The following HOMER1 variants were observed in gnomAD, a reference collection of about 807,000 sequenced individuals.
HOMER1 encodes the protein homer scaffold protein 1.
Under a neutral mutation model 48.9 loss-of-function variants are expected in HOMER1, and 3 were observed. The observed-to-expected ratio is 0.06, with a 90% confidence interval of 0.03 to 0.16. The LOEUF is 0.16. HOMER1 is among the 10% of genes least tolerant of loss of function. The pLI, the probability that HOMER1 is intolerant of heterozygous loss-of-function variation, is 1.00. For missense variants in HOMER1, 247 were observed against 411.4 expected (o/e 0.60, Z 3.46); for synonymous variants, 134 against 146.4 (o/e 0.92, Z 0.61).
chr5:79,512,096 A>G (rs1268117180), intron 1 of HOMER1, among the ~76,000 whole-genome samples: 2 of 102,534 alleles, frequency 2.0e-5, no homozygotes, highest in African/African-American at 3.7e-5. Context: ...TGTAGATCTG[A>G]TACTGTTAAC....
intron 5 of HOMER1, among the ~76,000 whole-genome samples, chr5:79,403,338 TAGCATATATTTTATTTAAAA>T (rs1309570506): frequency 4.6e-5 from 7 of 152,174 alleles, no homozygotes; most frequent in Non-Finnish European, 8.8e-5. Flanking sequence ...ATAGTAATTT[TAGCATATATTTTATTTAAAA>T]AGCATAGTTT....
At chr5:79,400,010 TC>T (rs1749490534) in intron 6 of HOMER1, among the ~76,000 whole-genome samples, 1 of 152,156 alleles carries the variant, frequency 6.6e-6, no homozygotes, top group Non-Finnish European at 1.5e-5. Context: ...AGAGAAAATT[TC>T]TTAAGGGCAG....
chr5:79,431,962 T>C (rs1750438613), intron 5 of HOMER1, among the ~76,000 whole-genome samples: 1 of 152,224 alleles, frequency 6.6e-6, no homozygotes, highest in South Asian at 2.1e-4. Flanking sequence ...CTAGAAACTA[T>C]GTGGGTTACC....
chr5:79,446,595 A>G (rs1750888614), intron 4 of HOMER1, among the ~76,000 whole-genome samples: 1 of 152,238 alleles, frequency 6.6e-6, no homozygotes, highest in South Asian at 2.1e-4. Context: ...GGCATATAGA[A>G]AAACCTTTTT....
At chr5:79,449,426 C>T (rs1750973642) in intron 3 of HOMER1, among the ~76,000 whole-genome samples, 1 of 151,820 alleles carries the variant, frequency 6.6e-6, no homozygotes, top group African/African-American at 2.4e-5. Context: ...TCAAGAAATA[C>T]ATTTAAAGAA....
chr5:79,396,973 G>A lies in HOMER1; in HGVS notation c.796-70C>T, dbSNP rs2201400. On this transcript the variant is annotated intron_variant, in intron 7 of 8. Coordinates refer to ENST00000334082, the MANE Select transcript of HOMER1 (RefSeq NM_004272.5). ...GCAAGGGAAGGTCTTGTTTTTCCCTGAAATTATTGTTCTAGTTCTTAGAAA... is the reference window on the plus strand; with the variant it reads ...GCAAGGGAAGGTCTTGTTTTTCCCTAAAATTATTGTTCTAGTTCTTAGAAA... The A allele has an allele frequency of 3.2e-3, 2,597 of 801,854 alleles. 80 individuals carry two copies. The South Asian group carries it at 0.041, about 13-fold the overall frequency. 49.7% of individuals were successfully genotyped at this position (801,854 alleles called of 1,614,324 possible).
intron 5 of HOMER1, among the ~76,000 whole-genome samples, chr5:79,424,424 G>C (rs895781688): frequency 6.6e-6 from 1 of 151,894 alleles, no homozygotes; most frequent in South Asian, 2.1e-4. Context: ...TTTATACAAG[G>C]ATATGCATCG....
Position 79,471,551 on chromosome 5 carries a change from GAAAAAAAAAAAA to G in HOMER1, c.6-14545_6-14534del, listed in dbSNP as rs55724615. Among the ~76,000 whole-genome samples, 278 of 97,688 alleles carry G rather than the reference GAAAAAAAAAAAA, an allele frequency of 2.8e-3. 2 individuals carry two copies. The highest frequency in any genetic ancestry group is 9.8e-3 in the African/African-American group (271 of 27,658). 64.1% of individuals were successfully genotyped at this position (97,688 alleles called of 152,430 possible). ...AATAAGAGCAAAACTCCATCTCAAA[GAAAAAAAAAAAA>G]AAAAAAAAAAGAAAGAAAAAAATGG... On this transcript the variant is annotated intron_variant, in intron 1 of 8. Coordinates refer to ENST00000334082, the MANE Select transcript of HOMER1 (RefSeq NM_004272.5).
intron 5 of HOMER1, among the ~76,000 whole-genome samples, chr5:79,428,528 T>C (rs933770246): frequency 1.3e-5 from 2 of 152,080 alleles, no homozygotes; most frequent in Admixed American, 1.3e-4. Context: ...TATAATTTTA[T>C]ATATAGAAAA....
chr5:79,504,410 CAAA>C (rs11285306), intron 1 of HOMER1, among the ~76,000 whole-genome samples: 5 of 123,522 alleles, frequency 4.0e-5, no homozygotes, highest in Admixed American at 7.8e-5. Context: ...AAAGAATAAG[CAAA>C]AAAAAAAAAA....
intron 8 of HOMER1, among the ~76,000 whole-genome samples, chr5:79,387,261 G>A (rs1333341073): frequency 6.6e-6 from 1 of 151,862 alleles, no homozygotes; most frequent in African/African-American, 2.4e-5. Context: ...TGAGTAGCTA[G>A]GACTATAGGT....
At chr5:79,478,781 A>G (rs368049349) in intron 1 of HOMER1, among the ~76,000 whole-genome samples, 2 of 152,044 alleles carry the variant, frequency 1.3e-5, no homozygotes, top group East Asian at 1.9e-4. Flanking sequence ...GTGAAACCGT[A>G]TCTCTACTAA....
intron 5 of HOMER1, among the ~76,000 whole-genome samples, chr5:79,425,831 T>C (rs1187299446): frequency 1.3e-5 from 2 of 152,018 alleles, no homozygotes; most frequent in Non-Finnish European, 2.9e-5. Context: ...GTCTCTTTAA[T>C]AGTAACTTAG....
intron 3 of HOMER1, among the ~76,000 whole-genome samples, chr5:79,448,203 C>A (rs576317235): frequency 6.6e-6 from 1 of 152,150 alleles, no homozygotes; most frequent in East Asian, 1.9e-4. Flanking sequence ...TCCAATTGAA[C>A]AGAGTATCTC....
At chr5:79,432,240 C>T (rs966730240) in intron 5 of HOMER1, among the ~76,000 whole-genome samples, 2 of 152,196 alleles carry the variant, frequency 1.3e-5, no homozygotes, top group Non-Finnish European at 2.9e-5. Context: ...TCACCTACCT[C>T]CCTTCCAATG....
intron 1 of HOMER1, among the ~76,000 whole-genome samples, chr5:79,493,653 T>G (rs535960872): frequency 9.9e-5 from 15 of 152,248 alleles, no homozygotes; most frequent in Non-Finnish European, 1.5e-5. Context: ...TTTCTCCTAC[T>G]GAAGGTTAAC....
At chr5:79,384,490 G>C (rs2112195101) in intron 8 of HOMER1, among the ~76,000 whole-genome samples, 1 of 152,256 alleles carries the variant, frequency 6.6e-6, no homozygotes, top group African/African-American at 2.4e-5. Context: ...TGAGTAGCAA[G>C]ACTGAATCAG....
chr5:79,512,215 G>A (rs144225999), intron 1 of HOMER1, among the ~76,000 whole-genome samples: 2,387 of 152,308 alleles, frequency 0.016, 180 homozygotes, highest in Admixed American at 0.12. Context: ...GACCGCATCA[G>A]TAAGACTGAA....
rs1224941954 is a variant in HOMER1 at position 79,513,911 on chromosome 5, C to CCGCGCCGCCGCCA, written c.-1150_-1138dup. ...ACCCCTACTCCTCGTCTCTCACGCT[C>CCGCGCCGCCGCCA]CGCGCCGCCGCCACGCGCCGCCTCA... On this transcript the variant is annotated 5_prime_UTR_variant, in exon 1 of 9. Transcript: ENST00000334082. 5 of 155,522 alleles carry CCGCGCCGCCGCCA rather than the reference C, an allele frequency of 3.2e-5. No individual in the cohort carries two copies. The highest frequency in any genetic ancestry group is 1.9e-4 in the East Asian group (1 of 5,274). The allele number at this position is 155,522 out of a possible 1,614,324, so 9.6% of individuals were successfully genotyped here.
Sources: gnomAD v4.1 joint callset for allele counts (sites outside exome capture counted in the v4.1 genomes callset) on GRCh38, gnomAD v4.1.1 for gene constraint, MANE v1.5 for transcripts, NCBI Gene and HGNC (gene_info 2026-07-23, HGNC 2026-07-21) for gene names.